The following SHANK2 variants were observed in gnomAD, a reference collection of about 807,000 sequenced individuals.
SHANK2 encodes SH3 and multiple ankyrin repeat domains protein 2.
In SHANK2, 43 loss-of-function variants were observed where a neutral mutation model predicts 133.7. The ratio of observed to expected loss-of-function variants is 0.32; its 90% CI spans 0.25 to 0.41. The LOEUF (loss-of-function observed/expected upper bound fraction) is 0.41, where lower values mean the gene tolerates loss of function less well. Among genes scored for constraint, SHANK2 ranks in the 10% least tolerant of loss-of-function variants. The probability of loss-of-function intolerance (pLI) is 1.00; values close to 1 mark genes in which losing one functional copy is unlikely to be tolerated. For synonymous variants in SHANK2, 1,017 were observed against 952.8 expected (o/e 1.07, Z -1.24); for missense variants, 1,994 against 2,235.8 (o/e 0.89, Z 2.18).
Position 70,569,221 on chromosome 11 carries a change from G to A in SHANK2, c.2062-66290C>T, listed in dbSNP as rs1367166281. ...GGACTGAGGACAGTCCCAAACCCCC[G>A]GGCCATCCCGAGCCTAAGTGTGTAG... On this transcript the variant is annotated intron_variant, in intron 17 of 25. Transcript: ENST00000601538. This position sits in a 1 kb window ranked among gnomAD's most constrained non-coding sequence, Gnocchi z 5.1. Among the ~76,000 whole-genome samples the A allele has an allele frequency of 1.3e-5, 2 of 152,178 alleles. No homozygotes were observed. The highest frequency in any genetic ancestry group is 2.9e-5 in the Non-Finnish European group (2 of 68,026).
intron 1 of SHANK2, among the ~76,000 whole-genome samples, chr11:71,249,804 G>C (rs539687509): frequency 2.0e-5 from 3 of 152,286 alleles, no homozygotes; most frequent in African/African-American, 7.2e-5. Flanking sequence ...TCTGTATACT[G>C]GTTAATTCCC....
chr11:71,128,932 C>A lies in SHANK2; in HGVS notation c.208-9900G>T, dbSNP rs191522907. 1.2e-4 allele frequency among the ~76,000 whole-genome samples: 19 copies of A among 152,230 alleles called. No individual in the cohort carries two copies. The East Asian group carries it at 3.7e-3, about 29-fold the overall frequency. On this transcript the variant is annotated intron_variant, in intron 3 of 25. Coordinates refer to ENST00000601538, the MANE Select transcript of SHANK2 (RefSeq NM_012309.5). ...CCAGAGTAGCTGGGACTACAGGTGC[C>A]CACCACCACGCCCGGCTAATTTTTG...
intron 10 of SHANK2, among the ~76,000 whole-genome samples, chr11:70,905,768 C>A (rs1015231533): frequency 9.2e-5 from 14 of 151,914 alleles, no homozygotes; most frequent in Non-Finnish European, 1.0e-4. Context: ...ATAACAGATC[C>A]ATGCCTATTG....
intron 10 of SHANK2, among the ~76,000 whole-genome samples, chr11:70,938,088 C>G (rs183650473): frequency 3.2e-4 from 49 of 152,250 alleles, no homozygotes; most frequent in African/African-American, 1.1e-3. Context: ...ATAATTACAG[C>G]AGGAATGAGT....
At chr11:70,863,698 C>T (rs1949300691) in intron 11 of SHANK2, 1 of 420,618 alleles carries the variant, frequency 2.4e-6, no homozygotes, top group African/African-American at 2.0e-5. Flanking sequence ...CACTGGCACC[C>T]CGTTTCGGCC....
At chr11:71,068,523 G>C (rs1330807856) in intron 9 of SHANK2, among the ~76,000 whole-genome samples, 2 of 152,254 alleles carry the variant, frequency 1.3e-5, no homozygotes, top group Admixed American at 1.3e-4. Flanking sequence ...CATGTTCAGG[G>C]AGAAGGGCTG....
At chr11:71,071,917 C>T (rs1477757892) in intron 9 of SHANK2, among the ~76,000 whole-genome samples, 2 of 152,198 alleles carry the variant, frequency 1.3e-5, no homozygotes, top group Non-Finnish European at 2.9e-5. Context: ...GGGCATCCAG[C>T]AGAGTTCCTC....
At chr11:71,142,814 A>G (rs1238402824) in intron 3 of SHANK2, among the ~76,000 whole-genome samples, 11 of 146,830 alleles carry the variant, frequency 7.5e-5, no homozygotes, top group Non-Finnish European at 7.5e-5. Context: ...ATCTAGTCCA[A>G]AAAAAAAAAA....
At chr11:70,602,363 C>T (rs1309152847) in intron 17 of SHANK2, among the ~76,000 whole-genome samples, 5 of 152,250 alleles carry the variant, frequency 3.3e-5, no homozygotes, top group Non-Finnish European at 2.9e-5. Context: ...TCGGCCTCCA[C>T]GTGGTAGAGC....
At chr11:70,559,315 C>G (rs868984176) in intron 17 of SHANK2, among the ~76,000 whole-genome samples, 2 of 152,204 alleles carry the variant, frequency 1.3e-5, no homozygotes, top group Non-Finnish European at 2.9e-5. Context: ...CCATCACACC[C>G]GGCCCATAGA....
chr11:70,514,863 T>C (rs2059246025), intron 17 of SHANK2, among the ~76,000 whole-genome samples: 1 of 152,182 alleles, frequency 6.6e-6, no homozygotes, highest in African/African-American at 2.4e-5. Context: ...TGGAACCACA[T>C]GAACAATTCT....
intron 10 of SHANK2, among the ~76,000 whole-genome samples, chr11:70,949,344 C>T (rs1226114425): frequency 9.2e-5 from 14 of 152,188 alleles, no homozygotes; most frequent in Admixed American, 3.9e-4. Context: ...GCATGCTGCC[C>T]GGCAAGCAGC....
chr11:71,085,657 T>A (rs1460027296), intron 8 of SHANK2, among the ~76,000 whole-genome samples: 2 of 14,678 alleles, frequency 1.4e-4, no homozygotes, highest in Non-Finnish European at 3.1e-4. Context: ...ATGTTATATA[T>A]TATATTATAT....
Position 70,575,362 on chromosome 11 carries a change from A to C in SHANK2, c.2062-72431T>G, listed in dbSNP as rs193216973. Among the ~76,000 whole-genome samples the C allele has an allele frequency of 6.6e-5, 10 of 152,030 alleles. No homozygotes were observed. The East Asian group carries it at 1.4e-3, about 21-fold the overall frequency. ...ACCCATCTCTACTAAAAATACACACACAAAAAATCAGCTGGGCATGGTGGT... is the reference window on the plus strand; with the variant it reads ...ACCCATCTCTACTAAAAATACACACCCAAAAAATCAGCTGGGCATGGTGGT... On this transcript the variant is annotated intron_variant, in intron 17 of 25. Transcript: ENST00000601538.
At chr11:71,190,797 A>G (rs1031125699) in intron 2 of SHANK2, among the ~76,000 whole-genome samples, 7 of 152,162 alleles carry the variant, frequency 4.6e-5, no homozygotes, top group Admixed American at 4.6e-4. Flanking sequence ...GGCCTGCACG[A>G]ACCCATCATT....
rs549465269 is a variant in SHANK2 at position 71,229,711 on chromosome 11, G to T, written c.-112-4915C>A. On this transcript the variant is annotated intron_variant, in intron 1 of 25. Coordinates refer to ENST00000601538, the MANE Select transcript of SHANK2 (RefSeq NM_012309.5). ...GGAGTTGGAGGTTGCAGTGAGCCAA[G>T]ACTGCACCACTGCACTCTAGCCTGG... 3.5e-5 allele frequency among the ~76,000 whole-genome samples: 5 copies of T among 141,700 alleles called. No homozygotes were observed. In the East Asian group the frequency reaches 1.1e-3, roughly 30 times the overall value. 93.0% of individuals were successfully genotyped at this position (141,700 alleles called of 152,430 possible). A position where few individuals can be genotyped will look rare whatever the true frequency, so the allele number is the denominator to read the frequency against.
intron 17 of SHANK2, among the ~76,000 whole-genome samples, chr11:70,640,358 C>A (rs908845029): frequency 3.3e-5 from 5 of 152,134 alleles, no homozygotes; most frequent in African/African-American, 1.2e-4. Context: ...AGACGAGCGA[C>A]GCAGCCATGA....
At position 70,623,793 on chromosome 11, in the gene SHANK2, C is replaced by T. The variant is rs570693394; in HGVS notation, c.2061+36035G>A. ...GTGGTGCCATATCGAGCACATGGGA[C>T]ATTTCCAGAAAGTTCTACCAGACAG... On this transcript the variant is annotated intron_variant, in intron 17 of 25. Coordinates refer to ENST00000601538, the MANE Select transcript of SHANK2 (RefSeq NM_012309.5). 6.6e-5 allele frequency among the ~76,000 whole-genome samples: 10 copies of T among 152,296 alleles called. No homozygotes were observed. In the East Asian group the frequency reaches 1.7e-3, roughly 26 times the overall value.
chr11:70,506,138 T>C (rs2059133800), intron 17 of SHANK2, among the ~76,000 whole-genome samples: 2 of 152,178 alleles, frequency 1.3e-5, no homozygotes, highest in African/African-American at 2.4e-5. Context: ...CTCAGGAAGC[T>C]TGGCTGCGGG....
Sources: gnomAD v4.1 joint callset for allele counts (sites outside exome capture counted in the v4.1 genomes callset) on GRCh38, gnomAD v4.1.1 for gene constraint, Gnocchi (gnomAD v3.1) non-coding constraint, MANE v1.5 for transcripts, NCBI Gene and HGNC (gene_info 2026-07-23, HGNC 2026-07-21) for gene names.